The following ARHGAP6 variants were observed in gnomAD, a reference collection of about 807,000 sequenced individuals.
ARHGAP6 encodes Rho GTPase activating protein 6.
Under a neutral mutation model 55.7 loss-of-function variants are expected in ARHGAP6, and 16 were observed. That is an observed-to-expected ratio of 0.29 (90% CI 0.19 to 0.44). The LOEUF is 0.44. Ranked by LOEUF, ARHGAP6 falls within the 20% of genes least tolerant of loss-of-function variation. The pLI, the probability that ARHGAP6 is intolerant of heterozygous loss-of-function variation, is 1.00. For missense variants in ARHGAP6, 698 were observed against 808.9 expected, an observed-to-expected ratio of 0.86 and a Z score of 1.66; for synonymous variants, 382 against 360.9, an observed-to-expected ratio of 1.06 and a Z score of -0.66.
At chrX:11,164,274 A>G (rs113925661) in intron 9 of ARHGAP6, among the ~76,000 whole-genome samples, 2,619 of 112,521 alleles carry the variant, frequency 0.023, 30 homozygotes, top group Middle Eastern at 0.06. Flanking sequence ...TCACTGCATC[A>G]CTTGGGCAAA....
At position 11,547,905 on chromosome X, in the gene ARHGAP6, T is replaced by C. The variant is rs185614013; in HGVS notation, c.588+116336A>G. Among the ~76,000 whole-genome samples the C allele has an allele frequency of 2.1e-4, 23 of 111,684 alleles. No individual in the cohort carries two copies. In the East Asian group the frequency reaches 4.8e-3, roughly 23 times the overall value. On this transcript the variant is annotated intron_variant, in intron 1 of 12. Coordinates refer to ENST00000337414, the MANE Select transcript of ARHGAP6 (RefSeq NM_013427.3). The stretch of plus-strand genomic sequence containing the variant: ...AAGGGAATGGAGTAATAAATGAGTA[T>C]CTGAGAACCTGAGCTGATTTGAAGG...
chrX:11,243,859 T>C (rs1231069090), intron 2 of ARHGAP6, among the ~76,000 whole-genome samples: 2 of 112,429 alleles, frequency 1.8e-5, no homozygotes, highest in Admixed American at 9.4e-5. Flanking sequence ...TACAGGAACA[T>C]GCTGTATAGG....
intron 1 of ARHGAP6, among the ~76,000 whole-genome samples, chrX:11,631,829 T>C (rs1002607705): frequency 2.7e-5 from 3 of 112,309 alleles, no homozygotes; most frequent in Admixed American, 1.9e-4. Context: ...TATTTGGACC[T>C]TGAAATTTGA....
chrX:11,275,601 A>C (rs767981968), intron 1 of ARHGAP6, among the ~76,000 whole-genome samples: 8 of 110,680 alleles, frequency 7.2e-5, no homozygotes, highest in African/African-American at 2.6e-4. Flanking sequence ...ACAAAGCAAA[A>C]CTCATCTTGT....
chrX:11,425,170 T>C (rs1603199875), intron 1 of ARHGAP6, among the ~76,000 whole-genome samples: 1 of 111,791 alleles, frequency 8.9e-6, no homozygotes, highest in African/African-American at 3.2e-5. Context: ...CCGAATTATA[T>C]TTCAGAGGAG....
At chrX:11,530,878 T>C (rs2051040981) in intron 1 of ARHGAP6, among the ~76,000 whole-genome samples, 2 of 111,722 alleles carry the variant, frequency 1.8e-5, no homozygotes, top group Middle Eastern at 4.6e-3. Context: ...GGGTTGTCAG[T>C]AGAGGGTGCT....
chrX:11,173,083 C>T (rs908595175), intron 8 of ARHGAP6, among the ~76,000 whole-genome samples: 1 of 112,157 alleles, frequency 8.9e-6, no homozygotes, highest in African/African-American at 3.2e-5. Context: ...ATGTCCAAAG[C>T]TCAGAGCCAG....
At chrX:11,388,225 G>A (rs1201391439) in intron 1 of ARHGAP6, among the ~76,000 whole-genome samples, 13 of 111,880 alleles carry the variant, frequency 1.2e-4, no homozygotes, top group Middle Eastern at 4.2e-3. Context: ...GTTGTTTCCT[G>A]ACTTTTTAAT....
rs924676977 is a variant in ARHGAP6, at chrX:11,184,569, A to C, written c.1273+1667T>G. 3.6e-5 allele frequency among the ~76,000 whole-genome samples: 4 copies of C among 112,519 alleles called. No homozygotes were observed. In the Admixed American group the frequency reaches 3.8e-4, roughly 11 times the overall value. On this transcript the variant is annotated intron_variant, in intron 5 of 12. Coordinates refer to ENST00000337414, the MANE Select transcript of ARHGAP6 (RefSeq NM_013427.3). Reference sequence around the variant, plus strand: ...ATTCAGAAACCATGTGAAAATAAAAAAATAAATGCAGCCAAAATTAAAATT... The same window carrying C: ...ATTCAGAAACCATGTGAAAATAAAACAATAAATGCAGCCAAAATTAAAATT...
In ARHGAP6 at chrX:11,643,884, G is replaced by A. The variant is rs141829821; in HGVS notation, c.588+20357C>T. Among the ~76,000 whole-genome samples the A allele has an allele frequency of 2.8e-3, 307 of 111,369 alleles. 2 individuals carry two copies. Among genetic ancestry groups the A allele is most frequent in the Admixed American group, 7.5e-3 (78 of 10,465 alleles). ...AGAATGAGGCCATAGGGATCAGCAT[G>A]AATTATCCCCAACAACATGCTAGCT... On this transcript the variant is annotated intron_variant, in intron 1 of 12. Transcript: ENST00000337414.
intron 1 of ARHGAP6, among the ~76,000 whole-genome samples, chrX:11,608,824 A>G (rs2052067657): frequency 9.0e-6 from 1 of 111,427 alleles, no homozygotes; most frequent in Non-Finnish European, 1.9e-5. Flanking sequence ...TTCACTTCCC[A>G]CCATGATTCT....
chrX:11,527,011 AGTGTGTGTGTGTGTGTGT>A (rs59668043), intron 1 of ARHGAP6, among the ~76,000 whole-genome samples: 16 of 81,060 alleles, frequency 2.0e-4, no homozygotes, highest in South Asian at 7.5e-4. Flanking sequence ...TAATATGAGG[AGTGTGTGTGTGTGTGTGT>A]GTGTGTGTGT....
In ARHGAP6 at chrX:11,349,988, C is replaced by G. The variant is rs948037021; in HGVS notation, c.589-95281G>C. 4.5e-5 allele frequency among the ~76,000 whole-genome samples: 5 copies of G among 111,560 alleles called. No homozygotes were observed. The Admixed American group carries it at 4.8e-4, about 11-fold the overall frequency. The stretch of plus-strand genomic sequence containing the variant: ...TCTCACTTATAAAACTGGAATATGG[C>G]CCCCTGCCTTACAAGGTGGTTGTGA... On this transcript the variant is annotated intron_variant, in intron 1 of 12. Coordinates refer to ENST00000337414, the MANE Select transcript of ARHGAP6 (RefSeq NM_013427.3).
intron 1 of ARHGAP6, among the ~76,000 whole-genome samples, chrX:11,479,073 A>G (rs1474766743): frequency 1.8e-5 from 2 of 112,196 alleles, no homozygotes; most frequent in African/African-American, 6.5e-5. Context: ...ATGCATTTGA[A>G]TCCACTCAGT....
At chrX:11,442,436 T>C (rs1430032309) in intron 1 of ARHGAP6, among the ~76,000 whole-genome samples, 2 of 111,850 alleles carry the variant, frequency 1.8e-5, no homozygotes, top group East Asian at 5.6e-4. Context: ...CACATAAGAC[T>C]GGGCAGCCAG....
chrX:11,245,283 C>T (rs2047337921), intron 2 of ARHGAP6, among the ~76,000 whole-genome samples: 1 of 111,878 alleles, frequency 8.9e-6, no homozygotes, highest in South Asian at 3.8e-4. Flanking sequence ...CGCAGCTAGA[C>T]CTTAAAGCCC....
chrX:11,138,622 G>T lies in ARHGAP6; in HGVS notation c.*241C>A. 2.4e-6 allele frequency: 1 copy of T among 422,051 alleles called. No individual in the cohort carries two copies. Among genetic ancestry groups the T allele is most frequent in the East Asian group, 4.0e-5 (1 of 25,188 alleles). The allele number at this position is 422,051 out of a possible 1,213,427, so 34.8% of individuals were successfully genotyped here. A position where few individuals can be genotyped will look rare whatever the true frequency, so the allele number is the denominator to read the frequency against. ...GAGCCAAGAGGGACGTTTTTAGATT[G>T]GACATTGCCATCTGGTTTGGGTTCT... is the stretch of plus-strand genomic sequence containing the variant. On this transcript the variant is annotated 3_prime_UTR_variant, in exon 13 of 13. Coordinates refer to ENST00000337414, the MANE Select transcript of ARHGAP6 (RefSeq NM_013427.3).
chrX:11,336,228 A>G (rs2048636266), intron 1 of ARHGAP6, among the ~76,000 whole-genome samples: 1 of 111,203 alleles, frequency 9.0e-6, no homozygotes, highest in South Asian at 3.8e-4. Flanking sequence ...ATAACTAATG[A>G]TCATAATTAT....
chrX:11,307,703 T>C lies in ARHGAP6; in HGVS notation c.589-52996A>G, dbSNP rs774763823. ...TTTTAAAGTACTTATTAAACATTGC[T>C]AAAATGTGCAGTTCTTATCAGCAGG... On this transcript the variant is annotated intron_variant, in intron 1 of 12. Transcript: ENST00000337414. 3.7e-3 allele frequency among the ~76,000 whole-genome samples: 413 copies of C among 112,527 alleles called. 1 individual carries two copies. Among genetic ancestry groups the C allele is most frequent in the Middle Eastern group, 0.014 (3 of 216 alleles).
Sources: allele counts gnomAD v4.1 joint callset (sites outside exome capture counted in the v4.1 genomes callset), GRCh38; gene constraint gnomAD v4.1.1; transcripts MANE v1.5; gene names NCBI Gene and HGNC (gene_info 2026-07-23, HGNC 2026-07-21).